Variants in FBXO31 observed in about 807,000 individuals in gnomAD.
FBXO31 encodes F-box only protein 31.
In FBXO31, 24 loss-of-function variants were observed where a neutral mutation model predicts 54.4. The observed-to-expected ratio is 0.44, with a 90% CI of 0.32 to 0.62. The LOEUF (loss-of-function observed/expected upper bound fraction) is 0.62, where lower values mean the gene tolerates loss of function less well. Among genes scored for constraint, FBXO31 ranks in the 20% least tolerant of loss-of-function variants. The probability of loss-of-function intolerance (pLI) is 0.05; values close to 1 mark genes in which losing one functional copy is unlikely to be tolerated. For synonymous variants in FBXO31, 388 were observed against 335.6 expected (o/e 1.16, Z -1.71); for missense variants, 665 against 787.1 (o/e 0.84, Z 1.86).
chr16:87,369,762 C>T (rs1425373652), intron 1 of FBXO31, among the ~76,000 whole-genome samples: 1 of 152,088 alleles, frequency 6.6e-6, no homozygotes, highest in East Asian at 1.9e-4. Flanking sequence ...TTTTCCACAG[C>T]GTGACTATTT....
upstream of FBXO31, among the ~76,000 whole-genome samples, chr16:87,387,759 A>G (rs10431963): frequency 0.43 from 64,871 of 152,106 alleles, 16,841 homozygotes; most frequent in East Asian, 1. Context: ...GTGAGCCGAG[A>G]TGGCGCCACA....
upstream of FBXO31, among the ~76,000 whole-genome samples, chr16:87,385,152 T>A (rs1183422135): frequency 7.3e-6 from 1 of 136,192 alleles, no homozygotes; most frequent in African/African-American, 2.8e-5. Context: ...GACGCCCCCA[T>A]CTCTACAAAT....
At chr16:87,381,596 C>T (rs942065152) in intron 1 of FBXO31, among the ~76,000 whole-genome samples, 6 of 152,242 alleles carry the variant, frequency 3.9e-5, no homozygotes, top group Non-Finnish European at 5.9e-5. Context: ...TTATGACGAA[C>T]TCTGTCCGGG....
chr16:87,334,326 G>T (rs757273287), intron 7 of FBXO31, 40 bp from the exon 8 acceptor site: 5 of 1,522,490 alleles, frequency 3.3e-6, no homozygotes, highest in African/African-American at 1.4e-5. Flanking sequence ...CAGGCCAGCA[G>T]CAGCAGCAGT....
At chr16:87,388,975 G>C (rs1221284303) in intron 1 of FBXO31, among the ~76,000 whole-genome samples, 1 of 152,074 alleles carries the variant, frequency 6.6e-6, no homozygotes, top group Non-Finnish European at 1.5e-5. Context: ...TAATTCATGA[G>C]TAATATTAAT....
chr16:87,377,068 C>T (rs972500491), intron 1 of FBXO31, among the ~76,000 whole-genome samples: 4 of 152,368 alleles, frequency 2.6e-5, no homozygotes, highest in African/African-American at 9.6e-5. Context: ...AACTGAAAAT[C>T]TAGTTGTTTA....
chr16:87,332,212 C>T (rs568681562), intron 8 of FBXO31, among the ~76,000 whole-genome samples: 7 of 152,226 alleles, frequency 4.6e-5, no homozygotes, highest in East Asian at 3.8e-4. Context: ...TTCCAGGGCC[C>T]AGAGGCAGGT....
intron 1 of FBXO31, among the ~76,000 whole-genome samples, chr16:87,370,943 C>T (rs749726581): frequency 1.3e-5 from 2 of 152,144 alleles, no homozygotes; most frequent in South Asian, 2.1e-4. Context: ...AATGAGCTGG[C>T]GGTGGCAGGG....
At chr16:87,350,346 T>C (rs1905597523) in intron 2 of FBXO31, among the ~76,000 whole-genome samples, 1 of 152,170 alleles carries the variant, frequency 6.6e-6, no homozygotes, top group Admixed American at 6.5e-5. Flanking sequence ...CAGACCATGG[T>C]TTAGGAAGTT....
At chr16:87,374,012 G>C (rs1245064758) in intron 1 of FBXO31, among the ~76,000 whole-genome samples, 1 of 152,112 alleles carries the variant, frequency 6.6e-6, no homozygotes, top group African/African-American at 2.4e-5. Flanking sequence ...GACCAAGGCA[G>C]GAGGTTCCCT....
At chr16:87,386,757 A>C (rs1311180142), upstream of FBXO31, among the ~76,000 whole-genome samples, 1 of 152,200 alleles carries the variant, frequency 6.6e-6, no homozygotes, top group Non-Finnish European at 1.5e-5. Flanking sequence ...AGTATTTGAG[A>C]CATGTAACTA....
intron 5 of FBXO31, among the ~76,000 whole-genome samples, chr16:87,342,676 G>A (rs192937930): frequency 8.6e-4 from 131 of 152,318 alleles, no homozygotes; most frequent in Middle Eastern, 3.4e-3. Flanking sequence ...GGAGGGGACC[G>A]GCAACCTGCC....
upstream of FBXO31, among the ~76,000 whole-genome samples, chr16:87,390,572 C>T (rs189890362): frequency 6.6e-6 from 1 of 151,526 alleles, no homozygotes; most frequent in Non-Finnish European, 1.5e-5. Context: ...TCCCGAGTAG[C>T]TGGGATTACA....
chr16:87,368,625 T>A (rs1036503001), intron 1 of FBXO31, among the ~76,000 whole-genome samples: 1 of 123,986 alleles, frequency 8.1e-6, no homozygotes, highest in Non-Finnish European at 1.7e-5. Context: ...ATCTATTTCC[T>A]TTTTTTTTTT....
Position 87,383,333 on chromosome 16 carries a change from C to T in FBXO31, c.340+72G>A. 7.4e-7 allele frequency: 1 copy of T among 1,347,298 alleles called. No homozygotes were observed. The highest frequency in any genetic ancestry group is 9.9e-7 in the Non-Finnish European group (1 of 1,009,296). The allele number at this position is 1,347,298 out of a possible 1,614,324, so 83.5% of individuals were successfully genotyped here. ...CCGGCCGGGGCCACCGCCCCCGCCA[C>T]TCCCAGCTCCGAGGCCTCCACCTGG... is the stretch of plus-strand genomic sequence containing the variant. On this transcript the variant is annotated intron_variant, in intron 1 of 8. Coordinates refer to ENST00000311635, the MANE Select transcript of FBXO31 (RefSeq NM_024735.5). This position sits in a 1 kb window ranked among gnomAD's most constrained non-coding sequence, Gnocchi z 4.9.
chr16:87,380,878 G>A (rs1362966282), intron 1 of FBXO31, among the ~76,000 whole-genome samples: 1 of 152,204 alleles, frequency 6.6e-6, no homozygotes, highest in Non-Finnish European at 1.5e-5. Flanking sequence ...AATTTATTCT[G>A]AGTTGTAATT....
intron 5 of FBXO31, among the ~76,000 whole-genome samples, chr16:87,340,943 C>T (rs1905174445): frequency 6.6e-6 from 1 of 152,192 alleles, no homozygotes. Flanking sequence ...CTCCTACAAA[C>T]CCACTTGAAA....
In FBXO31 at chr16:87,336,380, C is replaced by T. The variant is rs962592384; in HGVS notation, c.733-116G>A. On this transcript the variant is annotated intron_variant, in intron 5 of 8. Coordinates refer to ENST00000311635, the MANE Select transcript of FBXO31 (RefSeq NM_024735.5). This position sits in a 1 kb window ranked among gnomAD's most constrained non-coding sequence, Gnocchi z 6.5. Reference sequence around the variant, plus strand: ...TTCTTTGTCAGTGCACAGGCACCTGCAGGGCCCTCTTGGTGGGGGAGGATG... The same window carrying T: ...TTCTTTGTCAGTGCACAGGCACCTGTAGGGCCCTCTTGGTGGGGGAGGATG... 33 of 839,456 alleles carry T rather than the reference C, an allele frequency of 3.9e-5. No individual in the cohort carries two copies. The highest frequency in any genetic ancestry group is 5.8e-5 in the Non-Finnish European group (30 of 519,062). 52.0% of individuals were successfully genotyped at this position (839,456 alleles called of 1,614,324 possible).
chr16:87,375,179 G>A (rs932725636), intron 1 of FBXO31, among the ~76,000 whole-genome samples: 29 of 152,276 alleles, frequency 1.9e-4, no homozygotes, highest in African/African-American at 6.3e-4. Flanking sequence ...GGTAGCGGGC[G>A]CCTGTAGTCC....
Sources: allele counts gnomAD v4.1 joint callset (sites outside exome capture counted in the v4.1 genomes callset), GRCh38; gene constraint gnomAD v4.1.1; non-coding constraint Gnocchi (gnomAD v3.1); transcripts MANE v1.5; gene names NCBI Gene and HGNC (gene_info 2026-07-23, HGNC 2026-07-21).